Variants in CAPN13 observed in about 807,000 individuals in gnomAD.
CAPN13 encodes the protein calpain-13.
In CAPN13, 90 loss-of-function variants were observed where a neutral mutation model predicts 98.4. The ratio of observed to expected loss-of-function variants is 0.92; its 90% CI spans 0.77 to 1.09. The LOEUF (loss-of-function observed/expected upper bound fraction) is 1.09. Among genes scored for constraint, CAPN13 ranks in the 50% least tolerant of loss-of-function variants. The pLI is 0.00. For synonymous variants in CAPN13, 330 were observed against 305.5 expected (o/e 1.08, Z -0.84); for missense variants, 887 against 841.3 (o/e 1.05, Z -0.67).
At chr2:30,743,172 A>T (rs943002381) in intron 13 of CAPN13, 30 of 589,710 alleles carry the variant, frequency 5.1e-5, no homozygotes, top group Non-Finnish European at 8.4e-5. Flanking sequence ...TCCATCTGGC[A>T]ATGGACCCAT....
chr2:30,745,174 T>C (rs1340172355), intron 12 of CAPN13: 1 of 472,040 alleles, frequency 2.1e-6, no homozygotes, highest in African/African-American at 2.0e-5. Flanking sequence ...TCTGAGTGCC[T>C]GTGAGGATAG....
chr2:30,730,493 T>G lies in CAPN13; in HGVS notation c.*30+237A>C, dbSNP rs114133175. Among the ~76,000 whole-genome samples, 1,509 of 152,328 alleles carry G rather than the reference T, an allele frequency of 9.9e-3. 20 individuals carry two copies. Among genetic ancestry groups the G allele is most frequent in the African/African-American group, 0.035 (1,435 of 41,574 alleles). On this transcript the variant is annotated intron_variant, in intron 22 of 22. Coordinates refer to ENST00000295055, the MANE Select transcript of CAPN13 (RefSeq NM_144575.3). ...GTGAAGGATTCTAAACCCTCATTCATGCCTTTCAAGCCATGCCTTTCCATA... is the reference window on the plus strand; with the variant it reads ...GTGAAGGATTCTAAACCCTCATTCAGGCCTTTCAAGCCATGCCTTTCCATA...
intron 17 of CAPN13, 71 bp from the exon 18 acceptor site, chr2:30,736,642 C>T (rs1394728251): frequency 1.5e-6 from 2 of 1,378,094 alleles, no homozygotes; most frequent in African/African-American, 1.4e-5. Flanking sequence ...GCCAACAAAG[C>T]CAGAGCAGGC....
chr2:30,767,636 A>C (rs1186952287), intron 5 of CAPN13, among the ~76,000 whole-genome samples: 1 of 152,268 alleles, frequency 6.6e-6, no homozygotes, highest in Non-Finnish European at 1.5e-5. Context: ...GGATTGGTTC[A>C]ACAACCTTGG....
At chr2:30,740,041 G>C (rs974090290) in intron 15 of CAPN13, among the ~76,000 whole-genome samples, 3 of 150,744 alleles carry the variant, frequency 2.0e-5, no homozygotes, top group African/African-American at 7.3e-5. Context: ...CACTACTACA[G>C]TGAAGGAAGA....
At chr2:30,778,930 T>C (rs560135544) in intron 2 of CAPN13, among the ~76,000 whole-genome samples, 69 of 152,262 alleles carry the variant, frequency 4.5e-4, no homozygotes, top group South Asian at 1.7e-3. Flanking sequence ...GGGAAGGACA[T>C]CCGGAGGGCC....
intron 3 of CAPN13, 116 bp downstream of exon 3, chr2:30,777,451 G>C (rs559522614): frequency 2.3e-5 from 20 of 872,924 alleles, no homozygotes; most frequent in Non-Finnish European, 2.8e-5. Context: ...GTTTGTCCAC[G>C]GCAGCACCAA....
chr2:30,744,807 C>T (rs893939050), intron 12 of CAPN13, among the ~76,000 whole-genome samples: 3 of 152,190 alleles, frequency 2.0e-5, no homozygotes, highest in Non-Finnish European at 4.4e-5. Flanking sequence ...CATGCACAGA[C>T]CTGACTCTAG....
intron 8 of CAPN13, among the ~76,000 whole-genome samples, chr2:30,754,916 C>G (rs1056904007): frequency 1.3e-5 from 2 of 152,166 alleles, no homozygotes; most frequent in African/African-American, 4.8e-5. Context: ...TTGAAATGAT[C>G]TTTCTAAAAT....
At chr2:30,762,908 G>T (rs499476) in intron 7 of CAPN13, among the ~76,000 whole-genome samples, 174 bp downstream of exon 7, 2 of 152,036 alleles carry the variant, frequency 1.3e-5, no homozygotes, top group African/African-American at 2.4e-5. Context: ...AGAACTTCTG[G>T]TTGAACAGAA....
intron 7 of CAPN13, among the ~76,000 whole-genome samples, chr2:30,762,785 T>C (rs909432940): frequency 1.3e-5 from 2 of 152,250 alleles, no homozygotes; most frequent in African/African-American, 4.8e-5. Flanking sequence ...TAGTTCATTC[T>C]ACCTCCTTTG....
chr2:30,743,720 C>T, intron 12 of CAPN13, 141 bp from the exon 13 acceptor site: 1 of 771,606 alleles, frequency 1.3e-6, no homozygotes, highest in Admixed American at 2.0e-5. Flanking sequence ...AGACAGTGCT[C>T]AGCTGAAGTC....
intron 19 of CAPN13, among the ~76,000 whole-genome samples, chr2:30,734,144 C>T (rs1335028402): frequency 1.3e-5 from 2 of 152,188 alleles, no homozygotes; most frequent in Non-Finnish European, 2.9e-5. Context: ...GTCTCCAAGG[C>T]GAGCTCGATT....
At chr2:30,782,729 C>T (rs1333257951) in intron 2 of CAPN13, among the ~76,000 whole-genome samples, 1 of 152,150 alleles carries the variant, frequency 6.6e-6, no homozygotes, top group Admixed American at 6.5e-5. Context: ...GGGCACACAG[C>T]CCATTTTTCA....
chr2:30,742,028 G>T, intron 14 of CAPN13, 64 bp from the exon 15 acceptor site: 1 of 1,426,090 alleles, frequency 7.0e-7, no homozygotes, highest in Non-Finnish European at 9.9e-7. Context: ...ATCTGGTACA[G>T]CAAGGGTGCA....
At chr2:30,787,062 G>T in intron 2 of CAPN13, 66 bp downstream of exon 2, 1 of 1,307,298 alleles carries the variant, frequency 7.6e-7, no homozygotes, top group Non-Finnish European at 1.0e-6. Context: ...CCTTTTGGCT[G>T]GAGGTGCCAT....
intron 3 of CAPN13, among the ~76,000 whole-genome samples, chr2:30,776,654 C>T (rs1673713327): frequency 6.6e-6 from 1 of 152,198 alleles, no homozygotes; most frequent in African/African-American, 2.4e-5. Flanking sequence ...ACGTTCTCTC[C>T]TTTTCCTCCT....
At chr2:30,761,077 C>T (rs1056709910) in intron 7 of CAPN13, among the ~76,000 whole-genome samples, 12 of 152,184 alleles carry the variant, frequency 7.9e-5, no homozygotes, top group East Asian at 3.8e-4. Flanking sequence ...TCATACAGGC[C>T]GCTTGGAGTC....
At chr2:30,759,271 T>A (rs975382587) in intron 7 of CAPN13, among the ~76,000 whole-genome samples, 1 of 145,600 alleles carries the variant, frequency 6.9e-6, no homozygotes, top group Admixed American at 6.8e-5. Flanking sequence ...TCCTGCCCCC[T>A]GTCTGGGGTA....
Sources: gnomAD v4.1 joint callset for allele counts (sites outside exome capture counted in the v4.1 genomes callset) on GRCh38, gnomAD v4.1.1 for gene constraint, MANE v1.5 for transcripts, NCBI Gene and HGNC (gene_info 2026-07-23, HGNC 2026-07-21) for gene names.